The following GPR78 variants were observed in gnomAD, a reference collection of about 807,000 sequenced individuals.
GPR78 encodes the protein G protein-coupled receptor 78.
A neutral mutation model predicts 17.9 loss-of-function variants in GPR78; 29 were observed. That is an observed-to-expected ratio of 1.62 (90% CI 1.20 to 2.21). The LOEUF (loss-of-function observed/expected upper bound fraction) is 2.21. GPR78 is among the 30% of genes most tolerant of loss of function. The pLI, the probability that GPR78 is intolerant of heterozygous loss-of-function variation, is 0.00. For missense variants in GPR78, 649 were observed against 530.5 expected, an observed-to-expected ratio of 1.22 and a Z score of -2.19; for synonymous variants, 349 against 256.9, an observed-to-expected ratio of 1.36 and a Z score of -3.43.
intron 1 of GPR78, 53 bp from the exon 2 acceptor site, chr4:8,582,478 G>A: frequency 7.9e-7 from 1 of 1,262,072 alleles, no homozygotes; most frequent in Non-Finnish European, 1.1e-6. Context: ...CTCTGGGCCT[G>A]GGTTCTGTCC....
At position 8,581,597 on chromosome 4, in the gene GPR78, C is replaced by T. The variant is rs751203492; in HGVS notation, c.615C>T (p.Arg205=). Residue 205 remains arginine, a synonymous_variant, in exon 1 of 3, where the codon CGC becomes CGT. Transcript: ENST00000382487. Reference sequence around the variant, plus strand: ...GGGTGGCACGCAGACACTGCCAGCGCATGGACACCGTCACCATGAAGGCGC... The same window carrying T: ...GGGTGGCACGCAGACACTGCCAGCGTATGGACACCGTCACCATGAAGGCGC... ...VHRVARRHCQ[R]MDTVTMKALA... 5.2e-6 allele frequency: 8 copies of T among 1,550,232 alleles called. No homozygotes were observed. Among genetic ancestry groups the T allele is most frequent in the Non-Finnish European group, 6.9e-6 (8 of 1,155,050 alleles).
chr4:8,589,062 G>C lies in GPR78; in HGVS notation c.*1699G>C, dbSNP rs960180492. ...TTGTATTTTTTTTTGTAGAGATGGC[G>C]GTCTCACTTTGTTGCCCAGGCTGGT... On this transcript the variant is annotated 3_prime_UTR_variant, in exon 3 of 3. Transcript: ENST00000382487. Among the ~76,000 whole-genome samples the C allele has an allele frequency of 1.3e-5, 2 of 151,450 alleles. No individual in the cohort carries two copies. Among genetic ancestry groups the C allele is most frequent in the African/African-American group, 4.9e-5 (2 of 41,198 alleles).
rs1252879145 is a variant in GPR78, at chr4:8,582,616, ATCTGC to A, written c.756_760del (p.Phe254ProfsTer69). The A allele has an allele frequency of 6.2e-7, 1 of 1,613,084 alleles. No individual in the cohort carries two copies. Among genetic ancestry groups the A allele is most frequent in the Non-Finnish European group, 8.5e-7 (1 of 1,179,308 alleles). ...TGGCATTGCTATTGCGACCTTCCTC[ATCTGC>A]TTTGCCCCGTATGTCATGACCAGGT... On this transcript the variant is annotated frameshift_variant, in exon 2 of 3. Transcript: ENST00000382487. LOFTEE classifies it low-confidence loss of function (END_TRUNC).
rs1480464203 is a variant in GPR78 at position 8,587,921 on chromosome 4, G to A, written c.*558G>A. On this transcript the variant is annotated 3_prime_UTR_variant, in exon 3 of 3. Transcript: ENST00000382487. ...ATAGTCTGTGGTCAGGACCTGGCAG[G>A]CACGGGCAGTCCCTGGGACATGCCC... 2.0e-5 allele frequency among the ~76,000 whole-genome samples: 3 copies of A among 152,244 alleles called. No homozygotes were observed. The highest frequency in any genetic ancestry group is 4.4e-5 in the Non-Finnish European group (3 of 68,042).
In GPR78 at chr4:8,589,483, C is replaced by T. The variant is rs930510541; in HGVS notation, c.*2120C>T. Among the ~76,000 whole-genome samples, 1 of 152,048 alleles carries T rather than the reference C, an allele frequency of 6.6e-6. No homozygotes were observed. Among genetic ancestry groups the T allele is most frequent in the African/African-American group, 2.4e-5 (1 of 41,404 alleles). On this transcript the variant is annotated 3_prime_UTR_variant, in exon 3 of 3. Coordinates refer to ENST00000382487, the MANE Select transcript of GPR78 (RefSeq NM_080819.5). ...CGAGACCGTGCTGCACCCCGGTGCC[C>T]CTGTGCTTATAAGGGAGGGCACGTG...
intron 1 of GPR78, 66 bp from the exon 2 acceptor site, chr4:8,582,458 AGCCCCTG>A (rs1200685620): frequency 2.5e-5 from 25 of 996,930 alleles, no homozygotes; most frequent in Non-Finnish European, 3.3e-5. Context: ...CCCTCACTTC[AGCCCCTG>A]GGCTCTGGGC....
chr4:8,581,135 C>T lies in GPR78; in HGVS notation c.153C>T (p.Gly51=). The change falls in exon 1 of 3, where the codon GGC becomes GGT. Residue 51 remains glycine (G), a synonymous_variant. Transcript: ENST00000382487. ...SGVLLVNLSL[G]HLLLAALDMP... ...TCCTCCTGGTGAATCTGTCTCTGGG[C>T]CACCTGCTGCTGGCGGCGCTGGACA... The T allele has an allele frequency of 6.2e-7, 1 of 1,604,930 alleles. No homozygotes were observed. Among genetic ancestry groups the T allele is most frequent in the South Asian group, 1.1e-5 (1 of 90,976 alleles).
rs1468907727 is a variant in GPR78 at position 8,581,184 on chromosome 4, A to G, written c.202A>G (p.Met68Val). ...LDMPFTLLGV[M>V]RGRTPSAPGA... ...CATGCCCTTCACGCTGCTCGGTGTGATGCGCGGGCGGACACCGTCGGCGCC... is the reference window on the plus strand; with the variant it reads ...CATGCCCTTCACGCTGCTCGGTGTGGTGCGCGGGCGGACACCGTCGGCGCC... Residue 68 changes from methionine to valine, a missense_variant, in exon 1 of 3, where the codon ATG (methionine) becomes GTG (valine). By Grantham distance (21) the Met-to-Val change is conservative. Coordinates refer to ENST00000382487, the MANE Select transcript of GPR78 (RefSeq NM_080819.5). The G allele has an allele frequency of 6.2e-7, 1 of 1,602,618 alleles. No homozygotes were observed. The highest frequency in any genetic ancestry group is 1.1e-5 in the South Asian group (1 of 90,782).
chr4:8,585,301 G>A (rs890426298), intron 2 of GPR78, among the ~76,000 whole-genome samples: 2 of 152,172 alleles, frequency 1.3e-5, no homozygotes, highest in Non-Finnish European at 2.9e-5. Flanking sequence ...TCCCATTGTG[G>A]CTCCAGACAC....
chr4:8,581,578 C>A lies in GPR78; in HGVS notation c.596C>A (p.Ala199Glu). The change falls in exon 1 of 3, where the codon GCA (alanine) becomes GAA (glutamate). Residue 199 changes from alanine (A) to glutamate (E), a missense_variant. Ala to Glu is a moderately radical substitution (Grantham distance 107). Transcript: ENST00000382487. ...CLTSLQVHRV[A>E]RRHCQRMDTV... ...ACCTCGCTCCAGGTGCACCGGGTGG[C>A]ACGCAGACACTGCCAGCGCATGGAC... 1.3e-6 allele frequency: 2 copies of A among 1,570,942 alleles called. No homozygotes were observed. Among genetic ancestry groups the A allele is most frequent in the Non-Finnish European group, 8.6e-7 (1 of 1,166,344 alleles).
In GPR78 at chr4:8,589,528, T is replaced by TC. The variant is rs996434076; in HGVS notation, c.*2169dup. ...CACGTGCACAGCAGAAGCAGGTTGT[T>TC]CCCCATTTAAAGTTCTGGAGCCCAG... On this transcript the variant is annotated 3_prime_UTR_variant, in exon 3 of 3. Coordinates refer to ENST00000382487, the MANE Select transcript of GPR78 (RefSeq NM_080819.5). 1.3e-5 allele frequency among the ~76,000 whole-genome samples: 2 copies of TC among 152,168 alleles called. No individual in the cohort carries two copies. Among genetic ancestry groups the TC allele is most frequent in the African/African-American group, 4.8e-5 (2 of 41,446 alleles).
chr4:8,581,567 G>T lies in GPR78; in HGVS notation c.585G>T (p.Val195=), dbSNP rs1324310228. The change falls in exon 1 of 3, where the codon GTG becomes GTT. Residue 195 remains valine, a synonymous_variant. Coordinates refer to ENST00000382487, the MANE Select transcript of GPR78 (RefSeq NM_080819.5). The stretch of plus-strand genomic sequence containing the variant: ...TGCTCTGCCTCACCTCGCTCCAGGT[G>T]CACCGGGTGGCACGCAGACACTGCC... The part of the protein sequence containing the change: ...LAVLCLTSLQ[V]HRVARRHCQR... The T allele has an allele frequency of 6.3e-7, 1 of 1,576,816 alleles. No individual in the cohort carries two copies. The highest frequency in any genetic ancestry group is 2.3e-5 in the East Asian group (1 of 43,996).
chr4:8,582,675 G>A, intron 2 of GPR78, 31 bp downstream of exon 2: 2 of 1,427,286 alleles, frequency 1.4e-6, no homozygotes, highest in Non-Finnish European at 9.9e-7. Context: ...TCCTGTTGTG[G>A]GAACAGCTGG....
At position 8,581,404 on chromosome 4, in the gene GPR78, C is replaced by A; in HGVS notation, c.422C>A (p.Ala141Glu). The stretch of plus-strand genomic sequence containing the variant: ...CAGTCGCTGGCCTTCTCAGGCGCTG[C>A]ACTTGGCTGCTCGTGGCTTGGCTAC... ...WGQSLAFSGA[A>E]LGCSWLGYSS... Residue 141 changes from alanine (A) to glutamate (E), a missense_variant, in exon 1 of 3, where the codon GCA becomes GAA. By Grantham distance (107) the Ala-to-Glu change is moderately radical. Coordinates refer to ENST00000382487, the MANE Select transcript of GPR78 (RefSeq NM_080819.5). 6.3e-7 allele frequency: 1 copy of A among 1,588,960 alleles called. No individual in the cohort carries two copies. Among genetic ancestry groups the A allele is most frequent in the Non-Finnish European group, 8.5e-7 (1 of 1,174,090 alleles).
At chr4:8,585,063 A>G (rs1713445201) in intron 2 of GPR78, among the ~76,000 whole-genome samples, 1 of 152,186 alleles carries the variant, frequency 6.6e-6, no homozygotes, top group African/African-American at 2.4e-5. Flanking sequence ...CTTGGTTGTC[A>G]CTCTTGAGTT....
rs1025754416 is a variant in GPR78, at chr4:8,588,266, T to C, written c.*903T>C. On this transcript the variant is annotated 3_prime_UTR_variant, in exon 3 of 3. Coordinates refer to ENST00000382487, the MANE Select transcript of GPR78 (RefSeq NM_080819.5). Reference sequence around the variant, plus strand: ...GGCCTGGGATGGGGAGGGCCCTTGCTCCCCAACAGCAGTGCTGGGGGAGCC... The same window carrying C: ...GGCCTGGGATGGGGAGGGCCCTTGCCCCCCAACAGCAGTGCTGGGGGAGCC... Among the ~76,000 whole-genome samples the C allele has an allele frequency of 6.6e-6, 1 of 152,164 alleles. No homozygotes were observed. Among genetic ancestry groups the C allele is most frequent in the Non-Finnish European group, 1.5e-5 (1 of 68,000 alleles).
intron 2 of GPR78, among the ~76,000 whole-genome samples, chr4:8,584,644 G>C (rs1713425853): frequency 6.6e-6 from 1 of 152,216 alleles, no homozygotes; most frequent in Non-Finnish European, 1.5e-5. Flanking sequence ...CTTGAGGGCT[G>C]GCGCCTGGGA....
At chr4:8,585,669 G>A (rs1221431479) in intron 2 of GPR78, among the ~76,000 whole-genome samples, 1 of 152,168 alleles carries the variant, frequency 6.6e-6, no homozygotes, top group East Asian at 1.9e-4. Context: ...CCTTGGATCT[G>A]TGTCCCTGCC....
In GPR78 at chr4:8,581,591, C is replaced by T; in HGVS notation, c.609C>T (p.Cys203=). Residue 203 remains cysteine (C), a synonymous_variant, in exon 1 of 3, where the codon TGC becomes TGT. Coordinates refer to ENST00000382487, the MANE Select transcript of GPR78 (RefSeq NM_080819.5). ...LQVHRVARRH[C]QRMDTVTMKA... Reference sequence around the variant, plus strand: ...TGCACCGGGTGGCACGCAGACACTGCCAGCGCATGGACACCGTCACCATGA... The same window carrying T: ...TGCACCGGGTGGCACGCAGACACTGTCAGCGCATGGACACCGTCACCATGA... 4.5e-6 allele frequency: 7 copies of T among 1,555,792 alleles called. No individual in the cohort carries two copies. Among genetic ancestry groups the T allele is most frequent in the African/African-American group, 1.4e-5 (1 of 73,558 alleles).
Sources: allele counts gnomAD v4.1 joint callset (sites outside exome capture counted in the v4.1 genomes callset), GRCh38; gene constraint gnomAD v4.1.1; transcripts MANE v1.5; gene names NCBI Gene and HGNC (gene_info 2026-07-23, HGNC 2026-07-21).